The following KCNU1 variants were observed in gnomAD, a reference collection of about 807,000 sequenced individuals.
KCNU1 encodes the protein potassium channel subfamily U member 1.
Under a neutral mutation model 126.8 loss-of-function variants are expected in KCNU1, and 93 were observed. The observed-to-expected ratio is 0.73, with a 90% CI of 0.62 to 0.87. The LOEUF (loss-of-function observed/expected upper bound fraction) is 0.87. KCNU1 is among the 40% of genes least tolerant of loss of function. The pLI is 0.00. For synonymous variants in KCNU1, 523 were observed against 494.2 expected, an observed-to-expected ratio of 1.06 and a Z score of -0.77; for missense variants, 1,330 against 1,367.1, an observed-to-expected ratio of 0.97 and a Z score of 0.43.
intron 2 of KCNU1, among the ~76,000 whole-genome samples, chr8:36,787,917 A>C (rs1802772499): frequency 6.7e-6 from 1 of 149,890 alleles, no homozygotes; most frequent in East Asian, 1.9e-4. Context: ...TTTTATATTT[A>C]TTTTCAGTCT....
intron 20 of KCNU1, among the ~76,000 whole-genome samples, chr8:36,907,904 A>C (rs1807694559): frequency 6.6e-6 from 1 of 152,246 alleles, no homozygotes; most frequent in South Asian, 2.1e-4. Context: ...TTTGATTGAT[A>C]GTTATTGAAC....
chr8:36,932,760 C>T (rs1808738136), intron 25 of KCNU1, among the ~76,000 whole-genome samples, 160 bp from the exon 26 acceptor site: 1 of 152,086 alleles, frequency 6.6e-6, no homozygotes, highest in Non-Finnish European at 1.5e-5. Context: ...ACTAATCATA[C>T]TCTTAATTAC....
chr8:36,914,668 C>T (rs943593745), intron 22 of KCNU1, among the ~76,000 whole-genome samples: 18 of 152,156 alleles, frequency 1.2e-4, no homozygotes, highest in African/African-American at 4.3e-4. Flanking sequence ...TCCTGGACAT[C>T]TCCATGGGAA....
intron 25 of KCNU1, 55 bp from the exon 26 acceptor site, chr8:36,932,865 A>T: frequency 1.0e-6 from 1 of 1,002,616 alleles, no homozygotes; most frequent in Non-Finnish European, 1.5e-6. Flanking sequence ...GTGAGTGCTT[A>T]TAATTGCTTG....
At chr8:36,843,900 A>T (rs1805046713) in intron 16 of KCNU1, among the ~76,000 whole-genome samples, 2 of 152,302 alleles carry the variant, frequency 1.3e-5, no homozygotes, top group South Asian at 4.1e-4. Flanking sequence ...AGGGACAAAC[A>T]TTCTCTGATA....
At chr8:36,844,081 A>C (rs1329050239) in intron 16 of KCNU1, among the ~76,000 whole-genome samples, 1 of 152,134 alleles carries the variant, frequency 6.6e-6, no homozygotes, top group East Asian at 1.9e-4. Flanking sequence ...TCTCCTTTTA[A>C]AAAAATGAAA....
At chr8:36,815,508 A>G (rs1410915952) in intron 8 of KCNU1, 88 bp from the exon 9 acceptor site, 1 of 617,640 alleles carries the variant, frequency 1.6e-6, no homozygotes, top group Non-Finnish European at 2.8e-6. Context: ...AGTTTTATGT[A>G]CCCTCCTTTT....
At chr8:36,908,015 A>G (rs1807699738) in intron 20 of KCNU1, among the ~76,000 whole-genome samples, 1 of 152,156 alleles carries the variant, frequency 6.6e-6, no homozygotes, top group African/African-American at 2.4e-5. Flanking sequence ...AAAGAAATTG[A>G]GAACCAGAGA....
Position 36,905,761 on chromosome 8 carries a change from T to A in KCNU1, c.2063T>A (p.Met688Lys), listed in dbSNP as rs751593366. Residue 688 changes from methionine to lysine, a missense_variant, in exon 20 of 27, where the codon ATG (methionine) becomes AAG (lysine). Met to Lys is a moderately conservative substitution (Grantham distance 95). This residue lies in a region of KCNU1 where 1,054 missense variants were observed against 1,053.9 expected (regional missense o/e 1.00). Transcript: ENST00000399881. ...TCTGACCAGCTTGATAGCAGTGGGA[T>A]GTTTCACTGGTGCAAACCAACCTCT... is the stretch of plus-strand genomic sequence containing the variant. ...QDSDQLDSSG[M>K]FHWCKPTSLD... The A allele has an allele frequency of 1.5e-5, 24 of 1,604,610 alleles. No individual in the cohort carries two copies. Among genetic ancestry groups the A allele is most frequent in the Admixed American group, 3.4e-5 (2 of 59,170 alleles).
intron 20 of KCNU1, among the ~76,000 whole-genome samples, chr8:36,908,523 C>A (rs1270555928): frequency 9.7e-6 from 1 of 103,396 alleles, no homozygotes; most frequent in South Asian, 4.1e-4. Flanking sequence ...CCTCCCCCCT[C>A]CCCCCACCCC....
intron 22 of KCNU1, among the ~76,000 whole-genome samples, chr8:36,917,156 A>C (rs6999995): frequency 0.14 from 21,485 of 152,072 alleles, 1,959 homozygotes; most frequent in East Asian, 0.34. Flanking sequence ...CCTTCCAAAG[A>C]TTTCACTCTC....
chr8:36,850,193 A>G (rs1419137734), intron 18 of KCNU1, among the ~76,000 whole-genome samples: 2 of 152,168 alleles, frequency 1.3e-5, no homozygotes, highest in African/African-American at 4.8e-5. Context: ...AGATCTTTAT[A>G]TATTCTAAAT....
At chr8:36,847,285 G>A (rs1805185148) in intron 18 of KCNU1, among the ~76,000 whole-genome samples, 1 of 152,028 alleles carries the variant, frequency 6.6e-6, no homozygotes, top group African/African-American at 2.4e-5. Flanking sequence ...TTTTGATATA[G>A]ATATACAATG....
chr8:36,802,108 C>CAAAAAA (rs749026223), intron 2 of KCNU1, among the ~76,000 whole-genome samples: 2 of 72,344 alleles, frequency 2.8e-5, no homozygotes, highest in Non-Finnish European at 2.8e-5. Flanking sequence ...AACTCCGTCT[C>CAAAAAA]AAAAAAAAAA....
chr8:36,880,065 G>C (rs1193311207), intron 19 of KCNU1, among the ~76,000 whole-genome samples: 1 of 152,202 alleles, frequency 6.6e-6, no homozygotes, highest in Non-Finnish European at 1.5e-5. Context: ...GGTATTTTTG[G>C]AGCAATAAAT....
At chr8:36,933,075 A>G in intron 26 of KCNU1, 43 bp downstream of exon 26, 18 of 1,187,826 alleles carry the variant, frequency 1.5e-5, no homozygotes, top group Non-Finnish European at 2.1e-5. Flanking sequence ...CCATTCAAGC[A>G]TAAGAACCAA....
At chr8:36,917,853 C>A (rs1174470274) in intron 22 of KCNU1, among the ~76,000 whole-genome samples, 1 of 152,144 alleles carries the variant, frequency 6.6e-6, no homozygotes, top group Admixed American at 6.5e-5. Context: ...GTGTCTACAA[C>A]CTGAGCACAG....
chr8:36,848,746 G>T (rs1273459224), intron 18 of KCNU1, among the ~76,000 whole-genome samples: 1 of 152,058 alleles, frequency 6.6e-6, no homozygotes, highest in East Asian at 1.9e-4. Context: ...GCTAGACATG[G>T]TTTCAAGAGC....
chr8:36,911,098 G>A lies in KCNU1; in HGVS notation c.2500G>A (p.Asp834Asn). ...ATCCTTGCAAATTGACTCCTCCTCT[G>A]ACCCGTCACCCTCAGTGTCAGGTGA... ...IGSLQIDSSS[D>N]PSPSVSEETP... The change falls in exon 22 of 27, where the codon GAC becomes AAC. Residue 834 changes from aspartate to asparagine, a missense_variant. Around this residue, in one of 3 missense-constraint regions of KCNU1, gnomAD observed 1,054 missense variants for 1,053.9 expected, o/e 1.00. Coordinates refer to ENST00000399881, the MANE Select transcript of KCNU1 (RefSeq NM_001031836.3). 6.2e-7 allele frequency: 1 copy of A among 1,613,032 alleles called. No homozygotes were observed. Among genetic ancestry groups the A allele is most frequent in the Non-Finnish European group, 8.5e-7 (1 of 1,179,336 alleles).
Sources: allele counts gnomAD v4.1 joint callset (sites outside exome capture counted in the v4.1 genomes callset), GRCh38; gene constraint gnomAD v4.1.1; regional missense constraint gnomAD v4.1.1; transcripts MANE v1.5; gene names NCBI Gene and HGNC (gene_info 2026-07-23, HGNC 2026-07-21).